SLC66A3: variants seen among roughly 807,000 people sequenced by gnomAD.
SLC66A3 encodes the protein PQ loop repeat containing 3.
A neutral mutation model predicts 25.5 loss-of-function variants in SLC66A3; 23 were observed. The observed-to-expected ratio is 0.90, with a 90% CI of 0.65 to 1.28. The LOEUF is 1.28. Among genes scored for constraint, SLC66A3 ranks in the 50% most tolerant of loss-of-function variants. SLC66A3 has a pLI of 0.00. For missense variants in SLC66A3, 246 were observed against 262.1 expected (o/e 0.94, Z 0.42); for synonymous variants, 108 against 112.6 (o/e 0.96, Z 0.26).
intron 4 of SLC66A3, among the ~76,000 whole-genome samples, chr2:11,170,745 C>T (rs945404728): frequency 6.6e-6 from 1 of 151,980 alleles, no homozygotes; most frequent in South Asian, 2.1e-4. Flanking sequence ...CCCGCCACTA[C>T]ACCCAGCTAA....
intron 5 of SLC66A3, among the ~76,000 whole-genome samples, chr2:11,173,413 T>A (rs1662625148): frequency 1.3e-5 from 2 of 152,252 alleles, no homozygotes; most frequent in African/African-American, 4.8e-5. Context: ...AACAGCCTTT[T>A]AAAAAGTTTG....
At chr2:11,160,378 C>T (rs1290171233) in intron 1 of SLC66A3, 88 bp from the exon 2 acceptor site, 2 of 1,167,300 alleles carry the variant, frequency 1.7e-6, no homozygotes, top group East Asian at 2.3e-5. Flanking sequence ...AAGGATTCGG[C>T]AAACTGACCT....
intron 4 of SLC66A3, among the ~76,000 whole-genome samples, chr2:11,166,059 A>G (rs1047021111): frequency 6.6e-6 from 1 of 152,138 alleles, no homozygotes; most frequent in Admixed American, 6.5e-5. Flanking sequence ...TTTTTAGTAG[A>G]GACAGGGTTT....
intron 5 of SLC66A3, among the ~76,000 whole-genome samples, chr2:11,174,485 C>G (rs1381754482): frequency 1.3e-5 from 2 of 152,056 alleles, no homozygotes; most frequent in Non-Finnish European, 2.9e-5. Context: ...GGATGCATGG[C>G]TGTTTTTTGT....
chr2:11,163,530 G>C (rs73915347), intron 3 of SLC66A3, among the ~76,000 whole-genome samples: 1 of 152,150 alleles, frequency 6.6e-6, no homozygotes, highest in Admixed American at 6.5e-5. Flanking sequence ...CTCTTGAGTC[G>C]GTGCTACGTG....
chr2:11,169,619 G>A (rs115661701), intron 4 of SLC66A3, among the ~76,000 whole-genome samples: 32 of 151,904 alleles, frequency 2.1e-4, no homozygotes, highest in African/African-American at 5.8e-4. Flanking sequence ...CCTGACTTCC[G>A]TGTTCCCAGG....
rs1171290274 is a variant in SLC66A3 at position 11,171,948 on chromosome 2, G to A, written c.378G>A (p.Ala126=). ...AGAATCTATGTACTTTCATCAGCGC[G>A]GCCAGTAAGTTTGCACAGCTCCAGT... ...LAMNLCTFIS[A]ASKFAQLQCL... Residue 126 remains alanine, a synonymous_variant, in exon 5 of 7, where the codon GCG becomes GCA. Coordinates refer to ENST00000295083, the MANE Select transcript of SLC66A3 (RefSeq NM_152391.5). 43 of 1,613,806 alleles carry A rather than the reference G, an allele frequency of 2.7e-5. No homozygotes were observed. The highest frequency in any genetic ancestry group is 3.0e-5 in the Non-Finnish European group (35 of 1,179,934).
chr2:11,168,161 T>G (rs1469529947), intron 4 of SLC66A3, among the ~76,000 whole-genome samples: 1 of 151,828 alleles, frequency 6.6e-6, no homozygotes. Flanking sequence ...GGCGGGCACC[T>G]GTAGTCCCAG....
intron 6 of SLC66A3, among the ~76,000 whole-genome samples, chr2:11,176,890 T>TC (rs140966776): frequency 2.6e-5 from 4 of 151,744 alleles, no homozygotes; most frequent in Non-Finnish European, 5.9e-5. Context: ...AACACAAAGA[T>TC]ATCTTAAATC....
intron 3 of SLC66A3, among the ~76,000 whole-genome samples, chr2:11,161,658 A>G (rs1048540874): frequency 1.6e-4 from 25 of 152,162 alleles, no homozygotes; most frequent in African/African-American, 5.8e-4. Flanking sequence ...AGCTGGAGCT[A>G]CAGGTGCATG....
Position 11,172,332 on chromosome 2 carries a change from TAA to T in SLC66A3, c.475+289_475+290del, listed in dbSNP as rs1392427050. On this transcript the variant is annotated intron_variant, in intron 5 of 6. Coordinates refer to ENST00000295083, the MANE Select transcript of SLC66A3 (RefSeq NM_152391.5). The stretch of plus-strand genomic sequence containing the variant: ...ATTAGCTCTGTCTTCTTTGAAAGGA[TAA>T]AGAGGTTGATTATATTGAATGTACT... Among the ~76,000 whole-genome samples the T allele has an allele frequency of 9.8e-5, 15 of 152,312 alleles. No homozygotes were observed. In the East Asian group the frequency reaches 2.7e-3, roughly 27 times the overall value.
chr2:11,166,795 T>G (rs1662359993), intron 4 of SLC66A3, among the ~76,000 whole-genome samples: 1 of 152,198 alleles, frequency 6.6e-6, no homozygotes, highest in African/African-American at 2.4e-5. Context: ...CTTGGGAGAC[T>G]GAGTCAGGAG....
At chr2:11,175,031 T>C in intron 6 of SLC66A3, 22 bp downstream of exon 6, 1 of 1,578,060 alleles carries the variant, frequency 6.3e-7, no homozygotes. Context: ...ATCTTCTCAC[T>C]TCCTTTTTGA....
intron 3 of SLC66A3, among the ~76,000 whole-genome samples, chr2:11,162,969 C>T (rs371333968): frequency 6.6e-6 from 1 of 152,040 alleles, no homozygotes; most frequent in South Asian, 2.1e-4. Flanking sequence ...CCAGGTGTAG[C>T]GGCTCATGCC....
rs562888054 is a variant in SLC66A3, at chr2:11,165,240, C to T, written c.354+979C>T. On this transcript the variant is annotated intron_variant, in intron 4 of 6. Coordinates refer to ENST00000295083, the MANE Select transcript of SLC66A3 (RefSeq NM_152391.5). ...CTTCCCAGACGGGCTGGCTGCCGGG[C>T]GTAGGGGCTCCTCACTTCTCAGAGG... Among the ~76,000 whole-genome samples, 231 of 148,796 alleles carry T rather than the reference C, an allele frequency of 1.6e-3. 4 individuals are homozygous for T. Among genetic ancestry groups the T allele is most frequent in the African/African-American group, 5.5e-3 (220 of 39,790 alleles).
intron 1 of SLC66A3, among the ~76,000 whole-genome samples, chr2:11,158,770 G>C (rs886621066): frequency 5.3e-5 from 8 of 152,192 alleles, no homozygotes. Context: ...CAGTGACTGA[G>C]ATCGCGCCAC....
At chr2:11,159,919 CCT>C (rs1017841978) in intron 1 of SLC66A3, among the ~76,000 whole-genome samples, 46 of 152,264 alleles carry the variant, frequency 3.0e-4, no homozygotes, top group African/African-American at 1.1e-3. Context: ...CCCCCACTGC[CCT>C]CTCAACCGGG....
intron 4 of SLC66A3, among the ~76,000 whole-genome samples, chr2:11,166,490 G>C (rs1662349317): frequency 6.6e-6 from 1 of 152,300 alleles, no homozygotes; most frequent in Admixed American, 6.5e-5. Flanking sequence ...AAGTAGACTA[G>C]ATTCTCTGTT....
chr2:11,172,563 T>G (rs540921832), intron 5 of SLC66A3, among the ~76,000 whole-genome samples: 8 of 152,338 alleles, frequency 5.3e-5, no homozygotes, highest in Middle Eastern at 6.8e-3. Flanking sequence ...GAAACATTTT[T>G]ATAATTCAGA....
Sources: gnomAD v4.1 joint callset for allele counts (sites outside exome capture counted in the v4.1 genomes callset) on GRCh38, gnomAD v4.1.1 for gene constraint, MANE v1.5 for transcripts, NCBI Gene and HGNC (gene_info 2026-07-23, HGNC 2026-07-21) for gene names.